TRAPPC9: variants seen among roughly 807,000 people sequenced by gnomAD.
The protein encoded by TRAPPC9 is IKK2 binding protein.
A neutral mutation model predicts 124.0 loss-of-function variants in TRAPPC9; 83 were observed. That is an observed-to-expected ratio of 0.67 (90% CI 0.56 to 0.80). TRAPPC9 has a LOEUF of 0.80. Ranked by LOEUF, TRAPPC9 falls within the 30% of genes least tolerant of loss-of-function variation. The pLI is 0.00. For missense variants in TRAPPC9, 1,302 were observed against 1,508.3 expected (o/e 0.86, Z 2.27); for synonymous variants, 638 against 617.5 (o/e 1.03, Z -0.49).
chr8:139,922,114 C>T (rs534158354), intron 19 of TRAPPC9, among the ~76,000 whole-genome samples: 15 of 152,008 alleles, frequency 9.9e-5, no homozygotes, highest in Admixed American at 2.6e-4. Context: ...ATTTACTGTT[C>T]GCAACAATCA....
At chr8:140,218,486 T>C (rs2063256618) in intron 17 of TRAPPC9, among the ~76,000 whole-genome samples, 1 of 152,026 alleles carries the variant, frequency 6.6e-6, no homozygotes, top group Admixed American at 6.5e-5. Flanking sequence ...AGGGAGACTG[T>C]GGCATTTTAG....
At chr8:139,801,529 G>C (rs1311708573) in intron 21 of TRAPPC9, among the ~76,000 whole-genome samples, 2 of 152,200 alleles carry the variant, frequency 1.3e-5, no homozygotes, top group African/African-American at 4.8e-5. Flanking sequence ...CCTTGGCTGT[G>C]TCCACTGTTA....
At chr8:140,165,069 C>A (rs143926718) in intron 17 of TRAPPC9, among the ~76,000 whole-genome samples, 1 of 152,322 alleles carries the variant, frequency 6.6e-6, no homozygotes, top group Non-Finnish European at 1.5e-5. Context: ...TCAATGCCAA[C>A]ACTCCCTTTA....
At chr8:140,395,630 A>G (rs1388260693) in intron 7 of TRAPPC9, among the ~76,000 whole-genome samples, 2 of 152,166 alleles carry the variant, frequency 1.3e-5, no homozygotes, top group Admixed American at 1.3e-4. Flanking sequence ...AAAAATTAAG[A>G]ATCTCTGTAG....
intron 9 of TRAPPC9, among the ~76,000 whole-genome samples, chr8:140,349,812 G>C (rs1183074559): frequency 6.6e-6 from 1 of 152,232 alleles, no homozygotes; most frequent in African/African-American, 2.4e-5. Flanking sequence ...GGAAGGTGAA[G>C]AAGACCTGAT....
intron 20 of TRAPPC9, among the ~76,000 whole-genome samples, chr8:139,899,793 G>C (rs922036318): frequency 6.6e-6 from 1 of 152,174 alleles, no homozygotes; most frequent in African/African-American, 2.4e-5. Flanking sequence ...CCTGTCCCTA[G>C]TTGGCCTCCT....
chr8:139,965,541 T>C (rs547598839), intron 19 of TRAPPC9, among the ~76,000 whole-genome samples: 11 of 152,290 alleles, frequency 7.2e-5, no homozygotes, highest in African/African-American at 2.4e-4. Flanking sequence ...GAATTTTTAA[T>C]AGTAGAAAAT....
At chr8:139,778,499 A>T (rs1013406198) in intron 21 of TRAPPC9, among the ~76,000 whole-genome samples, 3 of 152,204 alleles carry the variant, frequency 2.0e-5, no homozygotes, top group Non-Finnish European at 4.4e-5. Context: ...AACTGACATA[A>T]ATGTTAGAAT....
At chr8:140,434,904 AG>A (rs2132602960) in intron 4 of TRAPPC9, among the ~76,000 whole-genome samples, 1 of 151,784 alleles carries the variant, frequency 6.6e-6, no homozygotes, top group East Asian at 1.9e-4. Context: ...TGGGAGGTGG[AG>A]GCTGTGGTGA....
chr8:140,237,913 A>G (rs1431146342), intron 16 of TRAPPC9, among the ~76,000 whole-genome samples: 1 of 152,260 alleles, frequency 6.6e-6, no homozygotes, highest in Non-Finnish European at 1.5e-5. Flanking sequence ...GAATCAGAGC[A>G]GTGACGCGGA....
chr8:140,312,354 G>A (rs935806379), intron 9 of TRAPPC9, among the ~76,000 whole-genome samples: 1 of 152,124 alleles, frequency 6.6e-6, no homozygotes, highest in African/African-American at 2.4e-5. Context: ...AGTTAGATCC[G>A]ACTCCAGGAG....
chr8:140,070,953 G>T (rs931052686), intron 17 of TRAPPC9, among the ~76,000 whole-genome samples: 8 of 152,236 alleles, frequency 5.3e-5, no homozygotes, highest in Admixed American at 4.6e-4. Context: ...AGAGGGACGG[G>T]GGGCCCAGGC....
chr8:139,926,201 GC>G (rs1832806901), intron 19 of TRAPPC9, among the ~76,000 whole-genome samples: 1 of 152,232 alleles, frequency 6.6e-6, no homozygotes, highest in African/African-American at 2.4e-5. Flanking sequence ...GGGGAGGTGA[GC>G]TTGAGGAGCT....
chr8:140,033,584 A>G (rs1303513139), intron 17 of TRAPPC9, among the ~76,000 whole-genome samples: 9 of 151,318 alleles, frequency 5.9e-5, no homozygotes, highest in Non-Finnish European at 1.2e-4. Flanking sequence ...GAAATCTCCA[A>G]AAAGTTAGAA....
At chr8:139,768,748 C>A (rs1258405918) in intron 21 of TRAPPC9, among the ~76,000 whole-genome samples, 1 of 152,198 alleles carries the variant, frequency 6.6e-6, no homozygotes, top group Non-Finnish European at 1.5e-5. Flanking sequence ...TACTAACATA[C>A]GTGACACCTA....
intron 21 of TRAPPC9, among the ~76,000 whole-genome samples, chr8:139,822,852 G>A (rs910077931): frequency 6.6e-6 from 1 of 152,230 alleles, no homozygotes; most frequent in Non-Finnish European, 1.5e-5. Context: ...TGTCACCACT[G>A]TGGCTTAAAC....
At chr8:140,196,132 A>AAT in intron 17 of TRAPPC9, among the ~76,000 whole-genome samples, 1 of 92,406 alleles carries the variant, frequency 1.1e-5, no homozygotes, top group South Asian at 3.9e-4. Context: ...GTGACACTGA[A>AAT]ACACAACGAT....
chr8:140,324,281 G>A (rs2066682360), intron 9 of TRAPPC9, among the ~76,000 whole-genome samples: 2 of 152,070 alleles, frequency 1.3e-5, no homozygotes, highest in Admixed American at 1.3e-4. Flanking sequence ...CAGACAAAGG[G>A]GATTTCAGTG....
At chr8:139,976,485 G>T (rs1404286938) in intron 19 of TRAPPC9, among the ~76,000 whole-genome samples, 1 of 152,148 alleles carries the variant, frequency 6.6e-6, no homozygotes, top group Non-Finnish European at 1.5e-5. Context: ...CGCAGACTGG[G>T]AGAAGTATCT....
Sources: gnomAD v4.1 joint callset for allele counts (sites outside exome capture counted in the v4.1 genomes callset) on GRCh38, gnomAD v4.1.1 for gene constraint, MANE v1.5 for transcripts, NCBI Gene and HGNC (gene_info 2026-07-23, HGNC 2026-07-21) for gene names.